Variants in STPG4 observed in about 807,000 individuals in gnomAD.
STPG4 encodes the protein protein STPG4.
Under a neutral mutation model 31.5 loss-of-function variants are expected in STPG4, and 41 were observed. The observed-to-expected ratio is 1.30, with a 90% confidence interval of 1.01 to 1.69. The LOEUF is 1.69. STPG4 is among the 40% of genes most tolerant of loss of function. The pLI is 0.00. For synonymous variants in STPG4, 141 were observed against 103.0 expected, an observed-to-expected ratio of 1.37 and a Z score of -2.24; for missense variants, 375 against 293.4, an observed-to-expected ratio of 1.28 and a Z score of -2.03.
At chr2:47,097,427 T>C (rs1282085372) in intron 5 of STPG4, among the ~76,000 whole-genome samples, 2 of 152,120 alleles carry the variant, frequency 1.3e-5, no homozygotes, top group Non-Finnish European at 2.9e-5. Flanking sequence ...GCCCCTGTGA[T>C]AGTGTTAAGA....
At chr2:47,120,779 G>C (rs115845008) in intron 5 of STPG4, among the ~76,000 whole-genome samples, 2 of 152,082 alleles carry the variant, frequency 1.3e-5, no homozygotes, top group Non-Finnish European at 2.9e-5. Context: ...CTCAGGGCTA[G>C]CTATCAATAG....
chr2:47,097,887 G>A (rs1023457283), intron 5 of STPG4, among the ~76,000 whole-genome samples: 60 of 151,146 alleles, frequency 4.0e-4, no homozygotes, highest in Non-Finnish European at 6.6e-4. Context: ...GGAGGCCCAC[G>A]TGGGTAGATC....
At position 47,151,496 on chromosome 2, in the gene STPG4, G is replaced by C; in HGVS notation, c.161C>G (p.Thr54Ser). 2 of 1,613,946 alleles carry C rather than the reference G, an allele frequency of 1.2e-6. No individual in the cohort carries two copies. The highest frequency in any genetic ancestry group is 1.7e-6 in the Non-Finnish European group (2 of 1,179,840). Residue 54 changes from threonine to serine, a missense_variant, in exon 3 of 7, where the codon ACT (threonine) becomes AGT (serine). By Grantham distance (58) the Thr-to-Ser change is moderately conservative. Transcript: ENST00000445927. ...IALTDTPIPGTYHLKTFIEES... is the reference protein window; with the variant it reads ...IALTDTPIPGSYHLKTFIEES... ...TTCAATAAAAGTTTTCAAGTGGTAA[G>C]TGCCAGGTATAGGAGTATCCTGTGG...
chr2:47,130,337 T>G, intron 3 of STPG4, 77 bp from the exon 4 acceptor site: 2 of 1,161,810 alleles, frequency 1.7e-6, no homozygotes, highest in South Asian at 2.5e-5. Flanking sequence ...TTCGTAATCT[T>G]TTATTTTATG....
At chr2:47,117,303 G>A (rs1293039894) in intron 5 of STPG4, among the ~76,000 whole-genome samples, 1 of 152,154 alleles carries the variant, frequency 6.6e-6, no homozygotes, top group Non-Finnish European at 1.5e-5. Flanking sequence ...TCCTCCTTCT[G>A]GGTTCAAGTG....
chr2:47,149,920 T>C (rs920148700), intron 3 of STPG4, among the ~76,000 whole-genome samples: 1 of 152,158 alleles, frequency 6.6e-6, no homozygotes, highest in Non-Finnish European at 1.5e-5. Context: ...TTGGATTCCA[T>C]CTACCCAAAC....
chr2:47,105,444 G>A (rs1029573126), intron 5 of STPG4, among the ~76,000 whole-genome samples: 24 of 152,096 alleles, frequency 1.6e-4, no homozygotes, highest in Middle Eastern at 3.4e-3. Flanking sequence ...GATACCAGGC[G>A]CTACTCCTTG....
At chr2:47,141,038 C>A (rs1176998485) in intron 3 of STPG4, among the ~76,000 whole-genome samples, 2 of 151,888 alleles carry the variant, frequency 1.3e-5, no homozygotes, top group Non-Finnish European at 2.9e-5. Context: ...AGGTGTGTAC[C>A]ACCACGGCCA....
intron 6 of STPG4, among the ~76,000 whole-genome samples, chr2:47,089,593 T>G (rs984224378): frequency 4.6e-5 from 7 of 152,158 alleles, no homozygotes; most frequent in Non-Finnish European, 1.0e-4. Context: ...TTGGGGACTT[T>G]CAGACCGTAT....
At chr2:47,149,967 C>G (rs1430960869) in intron 3 of STPG4, among the ~76,000 whole-genome samples, 1 of 152,164 alleles carries the variant, frequency 6.6e-6, no homozygotes, top group Non-Finnish European at 1.5e-5. Context: ...ACATGGTAGA[C>G]TGGAAAGAGG....
intron 3 of STPG4, among the ~76,000 whole-genome samples, chr2:47,134,606 C>T (rs963171301): frequency 6.6e-6 from 1 of 152,224 alleles, no homozygotes; most frequent in African/African-American, 2.4e-5. Context: ...CATTCATCTA[C>T]TTAGCAACAT....
chr2:47,096,827 A>C (rs1685679260), intron 5 of STPG4, among the ~76,000 whole-genome samples: 1 of 152,218 alleles, frequency 6.6e-6, no homozygotes, highest in Non-Finnish European at 1.5e-5. Context: ...AAATCTAGTG[A>C]AAATCCCAAT....
intron 5 of STPG4, among the ~76,000 whole-genome samples, chr2:47,095,504 T>G (rs1166091755): frequency 6.6e-6 from 1 of 152,140 alleles, no homozygotes; most frequent in Non-Finnish European, 1.5e-5. Flanking sequence ...ACTTCCAGTC[T>G]CCAGAACTGT....
At chr2:47,133,131 G>T (rs1301204651) in intron 3 of STPG4, among the ~76,000 whole-genome samples, 1 of 151,152 alleles carries the variant, frequency 6.6e-6, no homozygotes, top group Admixed American at 6.6e-5. Flanking sequence ...GTATATATAT[G>T]TGCATATATA....
In STPG4 at chr2:47,126,544, C is replaced by G. The variant is rs1187340082; in HGVS notation, c.519+3397G>C. 3.3e-5 allele frequency among the ~76,000 whole-genome samples: 5 copies of G among 152,122 alleles called. 1 individual carries two copies. Among genetic ancestry groups the G allele is most frequent in the African/African-American group, 4.8e-5 (2 of 41,438 alleles). ...GTCTCTCTATGTTGCCTAGGCTGGT[C>G]TTGAACTGCTGGACTCAAGCAATCC... On this transcript the variant is annotated intron_variant, in intron 5 of 6. Transcript: ENST00000445927.
intron 3 of STPG4, among the ~76,000 whole-genome samples, chr2:47,136,291 G>A (rs571417897): frequency 3.9e-5 from 6 of 151,916 alleles, no homozygotes; most frequent in African/African-American, 7.2e-5. Flanking sequence ...GGTTATGGGC[G>A]CCTGCCACCA....
At chr2:47,100,924 T>G (rs1330133456) in intron 5 of STPG4, among the ~76,000 whole-genome samples, 2 of 151,478 alleles carry the variant, frequency 1.3e-5, no homozygotes, top group African/African-American at 2.4e-5. Context: ...ACCACGAGGG[T>G]CCGCGGCTTC....
chr2:47,098,525 G>A (rs1306269914), intron 5 of STPG4, among the ~76,000 whole-genome samples: 2 of 152,048 alleles, frequency 1.3e-5, no homozygotes, highest in East Asian at 1.9e-4. Context: ...AAATCGTAAA[G>A]CTAAAGGGAG....
intron 5 of STPG4, among the ~76,000 whole-genome samples, chr2:47,116,666 T>G (rs1012140486): frequency 2.0e-5 from 3 of 152,190 alleles, no homozygotes; most frequent in Admixed American, 6.5e-5. Context: ...CTAATTCTTG[T>G]CTCATTTATG....
Sources: gnomAD v4.1 joint callset for allele counts (sites outside exome capture counted in the v4.1 genomes callset) on GRCh38, gnomAD v4.1.1 for gene constraint, MANE v1.5 for transcripts, NCBI Gene and HGNC (gene_info 2026-07-23, HGNC 2026-07-21) for gene names.